The following LINGO2 variants were observed in gnomAD, a reference collection of about 807,000 sequenced individuals.
LINGO2 encodes the protein leucine-rich repeat and immunoglobulin-like domain-containing nogo receptor-interacting protein 2.
In LINGO2, 14 loss-of-function variants were observed where a neutral mutation model predicts 30.6. The ratio of observed to expected loss-of-function variants is 0.46; its 90% CI spans 0.30 to 0.72. LINGO2 has a LOEUF of 0.72. LINGO2 is among the 30% of genes least tolerant of loss of function. LINGO2 has a pLI of 0.07. For missense variants in LINGO2, 729 were observed against 751.7 expected (o/e 0.97, Z 0.35); for synonymous variants, 317 against 288.5 (o/e 1.10, Z -1.00).
chr9:28,509,183 CTG>C (rs1820270713), intron 1 of LINGO2, among the ~76,000 whole-genome samples: 2 of 152,144 alleles, frequency 1.3e-5, no homozygotes, highest in African/African-American at 2.4e-5. Flanking sequence ...ATGAGTGAGA[CTG>C]TAATTTACAA....
intron 4 of LINGO2, among the ~76,000 whole-genome samples, chr9:28,279,305 T>C (rs1247422766): frequency 1.3e-5 from 2 of 152,222 alleles, no homozygotes; most frequent in Non-Finnish European, 2.9e-5. Flanking sequence ...AGAGAATGGA[T>C]TCCAATTCTG....
chr9:28,875,355 A>G, the LINGO2 span, among the ~76,000 whole-genome samples: 1 of 152,082 alleles, frequency 6.6e-6, no homozygotes, highest in Non-Finnish European at 1.5e-5. Flanking sequence ...ATTTTATGTG[A>G]GAACCATTTG....
chr9:28,198,452 T>A (rs981181668), intron 4 of LINGO2, among the ~76,000 whole-genome samples: 5 of 152,188 alleles, frequency 3.3e-5, no homozygotes, highest in African/African-American at 1.2e-4. Flanking sequence ...AATTTACTTT[T>A]CAACAATCAT....
the LINGO2 span, among the ~76,000 whole-genome samples, chr9:29,203,707 C>T: frequency 2.0e-5 from 3 of 152,272 alleles, no homozygotes; most frequent in East Asian, 1.9e-4. Flanking sequence ...TCTTCTGAAG[C>T]GTTTTCTGGT....
At chr9:28,314,957 C>A (rs1199470781) in intron 3 of LINGO2, among the ~76,000 whole-genome samples, 1 of 149,626 alleles carries the variant, frequency 6.7e-6, no homozygotes, top group Non-Finnish European at 1.5e-5. Context: ...TCGCAGTGAG[C>A]CGAGATCGCG....
chr9:28,105,022 C>G (rs531715839), intron 4 of LINGO2, among the ~76,000 whole-genome samples: 1 of 152,024 alleles, frequency 6.6e-6, no homozygotes, highest in African/African-American at 2.4e-5. Context: ...CTCTGAAGAA[C>G]GGGGACCAAG....
chr9:28,070,883 T>A (rs1825455082), intron 4 of LINGO2, among the ~76,000 whole-genome samples: 1 of 152,150 alleles, frequency 6.6e-6, no homozygotes, highest in South Asian at 2.1e-4. Context: ...GCCTATTTTT[T>A]AAAATTCTTA....
the LINGO2 span, among the ~76,000 whole-genome samples, chr9:28,768,099 A>T: frequency 6.6e-6 from 1 of 152,214 alleles, no homozygotes; most frequent in African/African-American, 2.4e-5. Context: ...TTATAAAGAG[A>T]TCTTCATTAT....
rs1189317564 is a variant in LINGO2, at chr9:28,514,538, C to T, written c.-364-38513G>A. ...TCTGGATAGATCAAACCAGCTACAA[C>T]ATTCTCTAAGCCAAAACCTAATCTA... is the stretch of plus-strand genomic sequence containing the variant. On this transcript the variant is annotated intron_variant, in intron 1 of 5. Coordinates refer to ENST00000379992, the Ensembl canonical transcript of LINGO2. Among the ~76,000 whole-genome samples, 8 of 152,310 alleles carry T rather than the reference C, an allele frequency of 5.3e-5. No individual in the cohort carries two copies. In the East Asian group the frequency reaches 1.2e-3, roughly 22 times the overall value.
At chr9:29,082,873 T>C in the LINGO2 span, among the ~76,000 whole-genome samples, 46 of 152,060 alleles carry the variant, frequency 3.0e-4, no homozygotes, top group African/African-American at 1.0e-3. Context: ...CAAATCAAAA[T>C]TACAATGAGA....
intron 1 of LINGO2, among the ~76,000 whole-genome samples, chr9:28,546,540 T>A (rs1821956568): frequency 6.6e-6 from 1 of 152,042 alleles, no homozygotes; most frequent in East Asian, 1.9e-4. Flanking sequence ...GAAATGAGGG[T>A]CTTATGATCT....
chr9:28,214,024 A>T (rs894712264), intron 4 of LINGO2, among the ~76,000 whole-genome samples: 12 of 151,634 alleles, frequency 7.9e-5, no homozygotes, highest in African/African-American at 2.9e-4. Context: ...ATATCTTAGA[A>T]GATATGAGGA....
chr9:28,824,466 T>C, the LINGO2 span, among the ~76,000 whole-genome samples: 12,005 of 152,208 alleles, frequency 0.079, 656 homozygotes, highest in East Asian at 0.24. Flanking sequence ...ATTAGGCATG[T>C]CATTTTACTG....
intron 2 of LINGO2, among the ~76,000 whole-genome samples, chr9:28,445,359 G>C (rs1478729722): frequency 6.6e-6 from 1 of 152,130 alleles, no homozygotes; most frequent in Middle Eastern, 3.2e-3. Context: ...TGACCACCCT[G>C]AAGCTTGTGA....
chr9:28,613,618 G>A (rs1447621425), intron 1 of LINGO2, among the ~76,000 whole-genome samples: 1 of 152,000 alleles, frequency 6.6e-6, no homozygotes, highest in African/African-American at 2.4e-5. Context: ...GCCCATTGTT[G>A]GTGGGATAGG....
At chr9:28,466,211 C>T (rs1825293995) in intron 2 of LINGO2, among the ~76,000 whole-genome samples, 1 of 152,152 alleles carries the variant, frequency 6.6e-6, no homozygotes, top group African/African-American at 2.4e-5. Flanking sequence ...TTGGAAACAA[C>T]CTACATGCCC....
the LINGO2 span, among the ~76,000 whole-genome samples, chr9:28,892,380 ATTTG>A: frequency 6.6e-5 from 10 of 152,104 alleles, no homozygotes; most frequent in East Asian, 3.9e-4. Flanking sequence ...TTTCAAAGAT[ATTTG>A]TTTGACACTA....
intron 2 of LINGO2, among the ~76,000 whole-genome samples, chr9:28,414,974 G>GT (rs1423495045): frequency 7.2e-5 from 11 of 151,970 alleles, no homozygotes; most frequent in Non-Finnish European, 1.5e-4. Flanking sequence ...TATCTAAGCA[G>GT]TAAAATTTTG....
chr9:28,399,079 G>C (rs1822162859), intron 2 of LINGO2, among the ~76,000 whole-genome samples: 1 of 152,184 alleles, frequency 6.6e-6, no homozygotes, highest in Admixed American at 6.5e-5. Context: ...TCCATCATCA[G>C]TAGGATTTAG....
Sources: allele counts gnomAD v4.1 joint callset (sites outside exome capture counted in the v4.1 genomes callset), GRCh38; gene constraint gnomAD v4.1.1; transcripts MANE v1.5; gene names NCBI Gene and HGNC (gene_info 2026-07-23, HGNC 2026-07-21).